The following ESRRG variants were observed in gnomAD, a reference collection of about 807,000 sequenced individuals.
ESRRG encodes the protein estrogen related receptor gamma.
ESRRG carries 13 observed loss-of-function variants against 44.0 expected under a neutral mutation model. The observed-to-expected ratio is 0.30, with a 90% CI of 0.19 to 0.47. The LOEUF (loss-of-function observed/expected upper bound fraction) is 0.47, where lower values mean the gene tolerates loss of function less well. ESRRG is among the 20% of genes least tolerant of loss of function. The pLI is 1.00. For missense variants in ESRRG, 395 were observed against 580.6 expected, an observed-to-expected ratio of 0.68 and a Z score of 3.29; for synonymous variants, 215 against 214.6, an observed-to-expected ratio of 1.00 and a Z score of -0.02.
chr1:216,905,271 T>A (rs1268251283), intron 2 of ESRRG, among the ~76,000 whole-genome samples: 1 of 151,366 alleles, frequency 6.6e-6, no homozygotes, highest in Non-Finnish European at 1.5e-5. Context: ...GTCCAGACAC[T>A]CCTTCATTCA....
chr1:216,587,965 T>G (rs1251129985), intron 3 of ESRRG, among the ~76,000 whole-genome samples: 1 of 152,200 alleles, frequency 6.6e-6, no homozygotes, highest in Non-Finnish European at 1.5e-5. Context: ...TGAAACTCCA[T>G]GTGCTCTGAA....
chr1:216,544,805 T>A (rs1436751732), intron 5 of ESRRG, among the ~76,000 whole-genome samples: 1 of 151,944 alleles, frequency 6.6e-6, no homozygotes, highest in Non-Finnish European at 1.5e-5. Context: ...CAAAATTTGG[T>A]AAAATATGTC....
chr1:216,674,682 T>C (rs2151451541), intron 2 of ESRRG, among the ~76,000 whole-genome samples: 1 of 149,082 alleles, frequency 6.7e-6, no homozygotes, highest in Non-Finnish European at 1.5e-5. Flanking sequence ...CAATCATGGC[T>C]CACTGCAACC....
chr1:216,947,841 T>A (rs1475763804), intron 1 of ESRRG, among the ~76,000 whole-genome samples: 1 of 152,102 alleles, frequency 6.6e-6, no homozygotes, highest in Admixed American at 6.5e-5. Flanking sequence ...TTATATAAGG[T>A]CATGAGATGA....
chr1:216,660,385 T>C (rs2071982591), intron 2 of ESRRG, among the ~76,000 whole-genome samples: 1 of 152,274 alleles, frequency 6.6e-6, no homozygotes, highest in South Asian at 2.1e-4. Flanking sequence ...GTGCTTTACA[T>C]TATGAACTAC....
In ESRRG at chr1:216,581,217, C is replaced by A. The variant is rs115932951; in HGVS notation, c.590-13119G>T. ...TCAAAAGGCATTTGGCTAAAGATGACCAGATTTCATTAAGTATGCCACAAT... is the reference window on the plus strand; with the variant it reads ...TCAAAAGGCATTTGGCTAAAGATGAACAGATTTCATTAAGTATGCCACAAT... On this transcript the variant is annotated intron_variant, in intron 3 of 6. Transcript: ENST00000408911. 1.3e-3 allele frequency among the ~76,000 whole-genome samples: 196 copies of A among 152,268 alleles called. 1 individual carries two copies. Among genetic ancestry groups the A allele is most frequent in the African/African-American group, 4.5e-3 (187 of 41,546 alleles).
At chr1:216,809,626 A>T (rs2094907561) in intron 2 of ESRRG, among the ~76,000 whole-genome samples, 1 of 152,188 alleles carries the variant, frequency 6.6e-6, no homozygotes, top group Non-Finnish European at 1.5e-5. Flanking sequence ...ATTCCTCAGA[A>T]ATGTTTTCTT....
intron 2 of ESRRG, among the ~76,000 whole-genome samples, chr1:216,838,593 A>C (rs2095604509): frequency 6.6e-6 from 1 of 152,156 alleles, no homozygotes; most frequent in Non-Finnish European, 1.5e-5. Context: ...GCTATAACCA[A>C]GTAAATTTAC....
At chr1:216,856,754 C>T (rs1039467521) in intron 2 of ESRRG, among the ~76,000 whole-genome samples, 3 of 152,144 alleles carry the variant, frequency 2.0e-5, no homozygotes, top group African/African-American at 7.2e-5. Flanking sequence ...AGCTGTCAGG[C>T]TATTTTCCAA....
At chr1:216,649,989 C>A (rs2068553655) in intron 3 of ESRRG, among the ~76,000 whole-genome samples, 1 of 152,124 alleles carries the variant, frequency 6.6e-6, no homozygotes, top group Admixed American at 6.6e-5. Flanking sequence ...AATAATAGGA[C>A]AAGCCCCAGA....
At position 216,841,464 on chromosome 1, in the gene ESRRG, G is replaced by A. The variant is rs780620314; in HGVS notation, c.-14+98118C>T. 1.3e-3 allele frequency among the ~76,000 whole-genome samples: 204 copies of A among 152,156 alleles called. 5 individuals carry two copies. Among genetic ancestry groups the A allele is most frequent in the Non-Finnish European group, 2.1e-4 (14 of 68,032 alleles). ...CAGGAATTCAATCAGGAAGCAAACT[G>A]TGGAAGTACATGAACACTGGGCAAA... is the stretch of plus-strand genomic sequence containing the variant. On this transcript the variant is annotated intron_variant, in intron 2 of 7. Transcript: ENST00000359162.
chr1:217,135,457 A>G (rs1478917080), intron 1 of ESRRG, among the ~76,000 whole-genome samples: 3 of 152,092 alleles, frequency 2.0e-5, no homozygotes, highest in African/African-American at 7.2e-5. Flanking sequence ...AGGAGGGACA[A>G]GAGAAAGCGT....
chr1:217,040,388 C>T lies in ESRRG; in HGVS notation c.-106+49119G>A, dbSNP rs1288922346. On this transcript the variant is annotated intron_variant, in intron 1 of 7. Transcript: ENST00000359162. ...AGGCAATTAAGAGGATGCCTTGAAC[C>T]CAGCCTCCACAGAGAGAAAAATATC... 3.9e-5 allele frequency among the ~76,000 whole-genome samples: 6 copies of T among 152,032 alleles called. No individual in the cohort carries two copies. The South Asian group carries it at 1.2e-3, about 32-fold the overall frequency.
At chr1:217,018,136 T>G (rs2079711414) in intron 1 of ESRRG, among the ~76,000 whole-genome samples, 1 of 152,180 alleles carries the variant, frequency 6.6e-6, no homozygotes, top group Admixed American at 6.5e-5. Context: ...GAAATAATGG[T>G]TATTAAATGT....
chr1:216,754,101 G>C (rs2092288381), intron 2 of ESRRG, among the ~76,000 whole-genome samples: 1 of 151,988 alleles, frequency 6.6e-6, no homozygotes, highest in Non-Finnish European at 1.5e-5. Context: ...GCTTTCAAAA[G>C]TAACTTAATG....
chr1:217,050,923 A>G (rs1021881844), intron 1 of ESRRG, among the ~76,000 whole-genome samples: 3 of 152,110 alleles, frequency 2.0e-5, no homozygotes, highest in African/African-American at 7.2e-5. Flanking sequence ...GCTCTGGTCA[A>G]GGAACATTGC....
chr1:216,529,139 G>C (rs553751389), intron 5 of ESRRG, among the ~76,000 whole-genome samples: 1 of 152,130 alleles, frequency 6.6e-6, no homozygotes. Context: ...TCTACCTGCT[G>C]TGGGAACCTG....
intron 1 of ESRRG, among the ~76,000 whole-genome samples, chr1:216,952,756 C>T (rs2067193653): frequency 6.6e-6 from 1 of 152,192 alleles, no homozygotes; most frequent in South Asian, 2.1e-4. Context: ...CCAGAAACAG[C>T]TCCTATTGTC....
Position 216,564,322 on chromosome 1 carries a change from AGGCAT to A in ESRRG, c.754_758del (p.Met252Ter). On this transcript the variant is annotated frameshift_variant, in exon 5 of 7. Transcript: ENST00000408911. LOFTEE classifies it high-confidence loss of function. ...TGTCACTGTCGGGGACAGTAGGGTC[AGGCAT>A]GGCATAGATCTTCTCCGGTTCAGCC... The A allele has an allele frequency of 6.2e-7, 1 of 1,611,926 alleles. No individual in the cohort carries two copies. The highest frequency in any genetic ancestry group is 8.5e-7 in the Non-Finnish European group (1 of 1,178,680).
Sources: gnomAD v4.1 joint callset for allele counts (sites outside exome capture counted in the v4.1 genomes callset) on GRCh38, gnomAD v4.1.1 for gene constraint, MANE v1.5 for transcripts, NCBI Gene and HGNC (gene_info 2026-07-23, HGNC 2026-07-21) for gene names.